PMM2: variants seen among roughly 807,000 people sequenced by gnomAD.
The protein encoded by PMM2 is phosphomannomutase 2.
PMM2 carries 35 observed loss-of-function variants against 33.2 expected under a neutral mutation model. That is an observed-to-expected ratio of 1.06 (90% confidence interval 0.81 to 1.40). The LOEUF is 1.40. Ranked by LOEUF, PMM2 falls within the 40% of genes most tolerant of loss-of-function variation. The pLI is 0.00. For synonymous variants in PMM2, 153 were observed against 114.7 expected, an observed-to-expected ratio of 1.33 and a Z score of -2.13; for missense variants, 386 against 306.0, an observed-to-expected ratio of 1.26 and a Z score of -1.95.
intron 1 of PMM2, among the ~76,000 whole-genome samples, chr16:8,800,868 G>T (rs1490654208): frequency 6.6e-6 from 1 of 152,152 alleles, no homozygotes; most frequent in Admixed American, 6.5e-5. Context: ...ATTTTTAATA[G>T]AGACAGGGTT....
At chr16:8,809,689 G>C (rs1417878126) in intron 4 of PMM2, 1 of 152,060 alleles carries the variant, frequency 6.6e-6, no homozygotes, top group Non-Finnish European at 1.5e-5. Context: ...TGACCTCAAG[G>C]AATCCGCCCG....
At chr16:8,834,190 C>G (rs2060828954) in intron 7 of PMM2, among the ~76,000 whole-genome samples, 1 of 152,148 alleles carries the variant, frequency 6.6e-6, no homozygotes, top group Non-Finnish European at 1.5e-5. Flanking sequence ...AAAGTATTGT[C>G]CAGTCCTTTT....
At chr16:8,824,928 A>G (rs200752613) in intron 7 of PMM2, among the ~76,000 whole-genome samples, 1 of 152,230 alleles carries the variant, frequency 6.6e-6, no homozygotes, top group East Asian at 1.9e-4. Flanking sequence ...CCAAATAAAA[A>G]TCTTTCATTG....
At chr16:8,815,391 C>A (rs569703334) in intron 7 of PMM2, among the ~76,000 whole-genome samples, 2 of 151,920 alleles carry the variant, frequency 1.3e-5, no homozygotes, top group Non-Finnish European at 2.9e-5. Context: ...CCACCACGCC[C>A]GGCTAATTTT....
At chr16:8,804,031 G>GT (rs752484926) in intron 2 of PMM2, among the ~76,000 whole-genome samples, 74 of 87,490 alleles carry the variant, frequency 8.5e-4, no homozygotes, top group South Asian at 3.3e-3. Flanking sequence ...GGTTTTTTTT[G>GT]TTTTTTTTTT....
At chr16:8,804,969 T>C in intron 3 of PMM2, 126 bp downstream of exon 3, 1 of 683,300 alleles carries the variant, frequency 1.5e-6, no homozygotes, top group East Asian at 2.7e-5. Context: ...GTATTTTTTG[T>C]TTTGCATTTT....
At chr16:8,824,709 A>C (rs1398958368) in intron 7 of PMM2, among the ~76,000 whole-genome samples, 1 of 152,094 alleles carries the variant, frequency 6.6e-6, no homozygotes, top group Non-Finnish European at 1.5e-5. Flanking sequence ...TAAATATCAA[A>C]GGTTTGAAAC....
At chr16:8,807,618 C>G (rs2141020736) in intron 4 of PMM2, 1 of 152,834 alleles carries the variant, frequency 6.5e-6, no homozygotes, top group African/African-American at 2.4e-5. Context: ...CCTCAGCCTC[C>G]TGAGTAGCTG....
intron 1 of PMM2, among the ~76,000 whole-genome samples, chr16:8,799,026 TA>T (rs1294545160): frequency 6.6e-6 from 1 of 152,210 alleles, no homozygotes; most frequent in Non-Finnish European, 1.5e-5. Context: ...TTGGGTTTGT[TA>T]AAAGCCCATA....
intron 7 of PMM2, among the ~76,000 whole-genome samples, chr16:8,840,536 C>G (rs1018440222): frequency 6.6e-6 from 1 of 151,786 alleles, no homozygotes; most frequent in Admixed American, 6.6e-5. Context: ...AGCCCTGTTG[C>G]AAAAAGTAGG....
At chr16:8,839,314 G>A (rs1048299427) in intron 7 of PMM2, among the ~76,000 whole-genome samples, 2 of 151,956 alleles carry the variant, frequency 1.3e-5, no homozygotes, top group African/African-American at 2.4e-5. Flanking sequence ...GACCTTGTGC[G>A]AGGCAAAACT....
At chr16:8,834,566 T>G (rs1368455838) in intron 7 of PMM2, among the ~76,000 whole-genome samples, 1 of 151,984 alleles carries the variant, frequency 6.6e-6, no homozygotes, top group Non-Finnish European at 1.5e-5. Context: ...TGGGGGCAAA[T>G]CTTCAAGCTT....
chr16:8,844,923 G>C (rs1214195532), intron 7 of PMM2, among the ~76,000 whole-genome samples: 4 of 152,244 alleles, frequency 2.6e-5, no homozygotes, highest in Non-Finnish European at 5.9e-5. Context: ...TGGTGGGTCT[G>C]AGGACCTGAG....
chr16:8,843,766 G>T (rs1176658968), intron 7 of PMM2, among the ~76,000 whole-genome samples: 1 of 152,186 alleles, frequency 6.6e-6, no homozygotes, highest in Non-Finnish European at 1.5e-5. Context: ...TTAATGTCGG[G>T]AGCAGATTGG....
intron 7 of PMM2, among the ~76,000 whole-genome samples, chr16:8,824,724 G>A (rs2060756996): frequency 6.6e-6 from 1 of 151,450 alleles, no homozygotes; most frequent in African/African-American, 2.4e-5. Flanking sequence ...TGAAACACTA[G>A]ATATCACAAA....
At chr16:8,804,342 C>G (rs190259097) in intron 2 of PMM2, among the ~76,000 whole-genome samples, 1 of 152,092 alleles carries the variant, frequency 6.6e-6, no homozygotes, top group East Asian at 1.9e-4. Flanking sequence ...CCGCACCCGA[C>G]CCAAAGAGCT....
intron 1 of PMM2, among the ~76,000 whole-genome samples, chr16:8,799,073 T>G (rs144233196): frequency 2.0e-5 from 3 of 152,328 alleles, no homozygotes; most frequent in African/African-American, 7.2e-5. Flanking sequence ...TCATTTTTTG[T>G]AAAGGGCCAT....
At position 8,811,091 on chromosome 16, in the gene PMM2, T is replaced by C. The variant is rs762408736; in HGVS notation, c.360T>C (p.Ile120=). 1 of 1,565,768 alleles carries C rather than the reference T, an allele frequency of 6.4e-7. No homozygotes were observed. The highest frequency in any genetic ancestry group is 1.2e-5 in the South Asian group (1 of 86,062). The part of the protein sequence containing the change: ...IKLPKKRGTF[I]EFRNGMLNVS... ...CTTTCATTCCCAGGGGTACTTTCATTGAATTCCGAAATGGGATGTTAAACG... is the reference window on the plus strand; with the variant it reads ...CTTTCATTCCCAGGGGTACTTTCATCGAATTCCGAAATGGGATGTTAAACG... The change falls in exon 5 of 8, where the codon ATT becomes ATC. Residue 120 remains isoleucine, a synonymous_variant. Transcript: ENST00000268261.
chr16:8,827,400 A>AT (rs933308205), intron 7 of PMM2, among the ~76,000 whole-genome samples: 32 of 146,732 alleles, frequency 2.2e-4, no homozygotes, highest in African/African-American at 6.0e-4. Flanking sequence ...TTTTATTTTT[A>AT]TTTTTTTTTG....
Sources: allele counts gnomAD v4.1 joint callset (sites outside exome capture counted in the v4.1 genomes callset), GRCh38; gene constraint gnomAD v4.1.1; transcripts MANE v1.5; gene names NCBI Gene and HGNC (gene_info 2026-07-23, HGNC 2026-07-21).